Variants in MAML1 observed in about 807,000 individuals in gnomAD.
MAML1 encodes mastermind-like protein 1.
Under a neutral mutation model 77.1 loss-of-function variants are expected in MAML1, and 14 were observed. That is an observed-to-expected ratio of 0.18 (90% CI 0.12 to 0.28). The LOEUF is 0.28. Among genes scored for constraint, MAML1 ranks in the 10% least tolerant of loss-of-function variants. The pLI, the probability that MAML1 is intolerant of heterozygous loss-of-function variation, is 1.00. For missense variants in MAML1, 1,217 were observed against 1,327.8 expected (o/e 0.92, Z 1.30); for synonymous variants, 516 against 551.9 (o/e 0.93, Z 0.91).
chr5:179,776,711 C>T lies in MAML1; in HGVS notation c.*1834C>T, dbSNP rs1299903301. On this transcript the variant is annotated 3_prime_UTR_variant, in exon 5 of 5. Transcript: ENST00000292599. ...CCCATCTGGCTGCTGCCCCGTCTCC[C>T]ACCCCTGTCCCCGGGGCTCGCTGGC... The T allele has an allele frequency of 2.0e-6, 2 of 985,806 alleles. No individual in the cohort carries two copies. The highest frequency in any genetic ancestry group is 1.7e-5 in the African/African-American group (1 of 57,260). 61.1% of individuals were successfully genotyped at this position (985,806 alleles called of 1,614,324 possible).
At chr5:179,749,697 T>C (rs1200207384) in intron 1 of MAML1, among the ~76,000 whole-genome samples, 1 of 152,180 alleles carries the variant, frequency 6.6e-6, no homozygotes, top group South Asian at 2.1e-4. Context: ...ACAGTAGACA[T>C]GGCCTGGGAG....
chr5:179,760,373 T>C (rs1159396564), intron 1 of MAML1, among the ~76,000 whole-genome samples: 2 of 151,768 alleles, frequency 1.3e-5, no homozygotes, highest in African/African-American at 4.8e-5. Context: ...AGAAGCTGAG[T>C]CATCCCCAGA....
intron 1 of MAML1, among the ~76,000 whole-genome samples, chr5:179,753,648 A>G (rs1187484909): frequency 2.6e-5 from 1 of 38,284 alleles, no homozygotes; most frequent in Non-Finnish European, 5.1e-5. Flanking sequence ...TTTTATTATT[A>G]TTATTATTTT....
chr5:179,758,522 C>T (rs779934953), intron 1 of MAML1, among the ~76,000 whole-genome samples: 11 of 151,678 alleles, frequency 7.3e-5, no homozygotes, highest in African/African-American at 2.7e-4. Context: ...TCCCAAATAG[C>T]TGGGACTACA....
chr5:179,740,684 G>T (rs1469557263), intron 1 of MAML1, among the ~76,000 whole-genome samples: 1 of 152,072 alleles, frequency 6.6e-6, no homozygotes, highest in Admixed American at 6.6e-5. Context: ...AGATGCCAGG[G>T]CTGGGGCTGG....
intron 1 of MAML1, among the ~76,000 whole-genome samples, chr5:179,734,639 G>T (rs548380307): frequency 2.6e-4 from 39 of 152,136 alleles, no homozygotes; most frequent in African/African-American, 7.0e-4. Context: ...TTATCGCCCC[G>T]TGTTCTTTCC....
chr5:179,733,203 C>T lies in MAML1; in HGVS notation c.91C>T (p.Arg31Trp). The T allele has an allele frequency of 6.8e-7, 1 of 1,477,886 alleles. No individual in the cohort carries two copies. The highest frequency in any genetic ancestry group is 8.9e-7 in the Non-Finnish European group (1 of 1,117,902). The allele number at this position is 1,477,886 out of a possible 1,614,324, so 91.5% of individuals were successfully genotyped here. ...CCTTCGCCGGCGCATCGAGCTGTGC[C>T]GGCGCCACCACAGCACCTGCGAGGC... is the stretch of plus-strand genomic sequence containing the variant. ...ERLRRRIELC[R>W]RHHSTCEARY... The change falls in exon 1 of 5, where the codon CGG becomes TGG. Residue 31 changes from arginine (R) to tryptophan (W), a missense_variant. Arg to Trp is a moderately radical substitution (Grantham distance 101). This residue lies in a region of MAML1 where 312 missense variants were observed against 331.4 expected (regional missense o/e 0.94). Coordinates refer to ENST00000292599, the MANE Select transcript of MAML1 (RefSeq NM_014757.5).
At chr5:179,747,989 C>T (rs535501182) in intron 1 of MAML1, among the ~76,000 whole-genome samples, 4 of 151,884 alleles carry the variant, frequency 2.6e-5, no homozygotes, top group African/African-American at 7.2e-5. Flanking sequence ...GTCATGGGCT[C>T]GGGGAAGAGA....
chr5:179,735,365 CAT>C (rs750444061), intron 1 of MAML1, among the ~76,000 whole-genome samples: 1 of 152,094 alleles, frequency 6.6e-6, no homozygotes, highest in Non-Finnish European at 1.5e-5. Context: ...ATTTAGGAAA[CAT>C]ATTATCTATG....
intron 1 of MAML1, among the ~76,000 whole-genome samples, chr5:179,752,598 CTTTTTTTTTTTTT>C (rs1172970221): frequency 4.2e-5 from 3 of 71,836 alleles, no homozygotes; most frequent in African/African-American, 5.1e-5. Flanking sequence ...ATTAGATACT[CTTTTTTTTTTTTT>C]TTTTTTTTTT....
intron 1 of MAML1, among the ~76,000 whole-genome samples, chr5:179,755,351 C>A (rs1779590159): frequency 6.6e-6 from 1 of 152,184 alleles, no homozygotes; most frequent in African/African-American, 2.4e-5. Context: ...TGTGAACTTT[C>A]ACTGGATACC....
chr5:179,755,991 C>G (rs1405147784), intron 1 of MAML1, among the ~76,000 whole-genome samples: 2 of 151,146 alleles, frequency 1.3e-5, no homozygotes, highest in African/African-American at 4.9e-5. Context: ...GTCTCGAACT[C>G]CTGACCTCGT....
chr5:179,749,522 A>G (rs761791323), intron 1 of MAML1, among the ~76,000 whole-genome samples: 1 of 152,156 alleles, frequency 6.6e-6, no homozygotes, highest in Non-Finnish European at 1.5e-5. Flanking sequence ...CGGCTTCCCA[A>G]AGTGGTGGGA....
In MAML1 at chr5:179,733,025, A is replaced by G. The variant is rs553725751; in HGVS notation, c.-88A>G. 3 of 809,532 alleles carry G rather than the reference A, an allele frequency of 3.7e-6. No homozygotes were observed. Among genetic ancestry groups the G allele is most frequent in the African/African-American group, 3.7e-5 (2 of 54,586 alleles). The allele number at this position is 809,532 out of a possible 1,614,324, so 50.1% of individuals were successfully genotyped here. ...GGGGCATGGCGCGGCCGTGAGGCGG[A>G]GAGGGGTAGCCGCGGGGAGCGAAGC... On this transcript the variant is annotated 5_prime_UTR_variant, in exon 1 of 5. Transcript: ENST00000292599.
intron 1 of MAML1, among the ~76,000 whole-genome samples, chr5:179,749,681 C>T (rs995282812): frequency 6.6e-6 from 1 of 152,184 alleles, no homozygotes; most frequent in Admixed American, 6.5e-5. Context: ...CAAACAGGAG[C>T]CCAACACAGT....
chr5:179,767,670 C>T (rs1323423593), intron 2 of MAML1, among the ~76,000 whole-genome samples: 2 of 152,200 alleles, frequency 1.3e-5, no homozygotes, highest in African/African-American at 4.8e-5. Flanking sequence ...CGCCGTTCAG[C>T]ACCCCCTGAA....
In MAML1 at chr5:179,770,446, C is replaced by CA. The variant is rs981198224; in HGVS notation, c.1972-689dup. ...TGGGCGACAGAGCAAGACTCCATCT[C>CA]AAAAAAAAAAAATTGTCTGTTCTGG... On this transcript the variant is annotated intron_variant, in intron 3 of 4. Coordinates refer to ENST00000292599, the MANE Select transcript of MAML1 (RefSeq NM_014757.5). Among the ~76,000 whole-genome samples the CA allele has an allele frequency of 2.1e-3, 301 of 143,664 alleles. 1 individual carries two copies. The highest frequency in any genetic ancestry group is 3.5e-3 in the Middle Eastern group (1 of 284). 94.2% of individuals were successfully genotyped at this position (143,664 alleles called of 152,430 possible).
chr5:179,772,364 G>A (rs753376921), intron 4 of MAML1, among the ~76,000 whole-genome samples: 2 of 152,108 alleles, frequency 1.3e-5, no homozygotes, highest in Admixed American at 6.5e-5. Context: ...TGATCTGCCC[G>A]CCTTGGCCTC....
rs1554150145 is a variant in MAML1 at position 179,752,350 on chromosome 5, A to AATATATATATATATAT, written c.316-12975_316-12960dup. ...CAAAAAAAAAAAAAAAAAAAAAAAAAATATATATATATATATGGTTAAATA... is the reference window on the plus strand; with the variant it reads ...CAAAAAAAAAAAAAAAAAAAAAAAAAATATATATATATATATATATATATATATATATGGTTAAATA... On this transcript the variant is annotated intron_variant, in intron 1 of 4. Transcript: ENST00000292599. Among the ~76,000 whole-genome samples the AATATATATATATATAT allele has an allele frequency of 2.6e-3, 173 of 66,630 alleles. 1 individual carries two copies. Among genetic ancestry groups the AATATATATATATATAT allele is most frequent in the Middle Eastern group, 0.013 (1 of 76 alleles). The allele number at this position is 66,630 out of a possible 152,430, so 43.7% of individuals were successfully genotyped here. A position where few individuals can be genotyped will look rare whatever the true frequency, so the allele number is the denominator to read the frequency against.
Sources: gnomAD v4.1 joint callset for allele counts (sites outside exome capture counted in the v4.1 genomes callset) on GRCh38, gnomAD v4.1.1 for gene constraint, gnomAD v4.1.1 regional missense constraint, MANE v1.5 for transcripts, NCBI Gene and HGNC (gene_info 2026-07-23, HGNC 2026-07-21) for gene names.